ADAM10: variants seen among roughly 807,000 people sequenced by gnomAD.
The protein encoded by ADAM10 is ADAM metallopeptidase domain 10, also known as disintegrin and metalloproteinase domain-containing protein 10.
In ADAM10, 17 loss-of-function variants were observed where a neutral mutation model predicts 90.1. The ratio of observed to expected loss-of-function variants is 0.19; its 90% CI spans 0.13 to 0.28. The LOEUF is 0.28. Ranked by LOEUF, ADAM10 falls within the 10% of genes least tolerant of loss-of-function variation. The pLI, the probability that ADAM10 is intolerant of heterozygous loss-of-function variation, is 1.00. For synonymous variants in ADAM10, 310 were observed against 298.6 expected, an observed-to-expected ratio of 1.04 and a Z score of -0.40; for missense variants, 610 against 914.3, an observed-to-expected ratio of 0.67 and a Z score of 4.29.
At chr15:58,639,230 C>CCA (rs1375656245) in intron 8 of ADAM10, among the ~76,000 whole-genome samples, 1 of 152,170 alleles carries the variant, frequency 6.6e-6, no homozygotes, top group African/African-American at 2.4e-5. Context: ...CTGTTGGGCT[C>CCA]CACATCTATA....
At chr15:58,647,247 T>C (rs948606512) in intron 5 of ADAM10, among the ~76,000 whole-genome samples, 10 of 84,818 alleles carry the variant, frequency 1.2e-4, no homozygotes, top group African/African-American at 6.5e-4. Flanking sequence ...AGACACTAAG[T>C]ATTTTTTTTT....
rs1468638121 is a variant in ADAM10 at position 58,717,588 on chromosome 15, A to G, written c.195T>C (p.His65=). ...HEDQFLRLDF[H]AHGRHFNLRM... ...ATAAATTTACTTACCTTCCATGGGC[A>G]TGGAAATCTAGACGTAAAAATTGGT... The change falls in exon 2 of 16, where the codon CAT becomes CAC. Residue 65 remains histidine (H), a synonymous_variant. Transcript: ENST00000260408. 1 of 1,613,906 alleles carries G rather than the reference A, an allele frequency of 6.2e-7. No individual in the cohort carries two copies. The highest frequency in any genetic ancestry group is 1.1e-5 in the South Asian group (1 of 91,072).
At chr15:58,727,194 TTTTTTTTTTTTC>T (rs1212273077) in intron 1 of ADAM10, among the ~76,000 whole-genome samples, 2 of 125,750 alleles carry the variant, frequency 1.6e-5, no homozygotes, top group African/African-American at 3.3e-5. Flanking sequence ...TTTTTTTTTT[TTTTTTTTTTTTC>T]CCAAAAACAG....
rs1208868500 is a variant in ADAM10 at position 58,592,268 on chromosome 15, G to A, written c.*5279C>T. 7 of 152,184 alleles carry A rather than the reference G, an allele frequency of 4.6e-5. No homozygotes were observed. The highest frequency in any genetic ancestry group is 3.9e-4 in the Admixed American group (6 of 15,272). 9.4% of individuals were successfully genotyped at this position (152,184 alleles called of 1,614,324 possible). A position where few individuals can be genotyped will look rare whatever the true frequency, so the allele number is the denominator to read the frequency against. On this transcript the variant is annotated 3_prime_UTR_variant, in exon 16 of 16. Transcript: ENST00000260408. ...TCTAGATCCATAAATTGTTGGGGGG[G>A]TAAAATGGTGATATCCTAATTCTAT...
At chr15:58,724,361 G>A (rs2140827347) in intron 1 of ADAM10, among the ~76,000 whole-genome samples, 1 of 152,150 alleles carries the variant, frequency 6.6e-6, no homozygotes, top group South Asian at 2.1e-4. Context: ...AAAAAAATAT[G>A]CAAATTATTA....
At chr15:58,604,135 G>A (rs981330505) in intron 14 of ADAM10, among the ~76,000 whole-genome samples, 15 of 152,100 alleles carry the variant, frequency 9.9e-5, no homozygotes, top group African/African-American at 3.4e-4. Flanking sequence ...GCCGGGGCGG[G>A]TGGATCACCT....
intron 5 of ADAM10, among the ~76,000 whole-genome samples, chr15:58,661,562 T>G (rs370803407): frequency 8.5e-5 from 13 of 152,250 alleles, no homozygotes; most frequent in African/African-American, 3.1e-4. Flanking sequence ...TTTCTCTGCC[T>G]GCTTTTATGG....
At chr15:58,735,364 C>T (rs1446136987) in intron 1 of ADAM10, among the ~76,000 whole-genome samples, 1 of 152,096 alleles carries the variant, frequency 6.6e-6, no homozygotes, top group Non-Finnish European at 1.5e-5. Flanking sequence ...TCAAAGAATG[C>T]CAATCTTAAT....
chr15:58,667,045 C>G (rs190994190), intron 4 of ADAM10, among the ~76,000 whole-genome samples: 213 of 152,162 alleles, frequency 1.4e-3, no homozygotes, highest in African/African-American at 4.8e-3. Flanking sequence ...CTAGAAAAAG[C>G]CTTTGTTCAA....
At position 58,682,332 on chromosome 15, in the gene ADAM10, A is replaced by G. The variant is rs1288415668; in HGVS notation, c.207-18T>C. ...TGAAATGTCTGTAAAATGGGATGGG[A>G]AGGGGGAACAACTGAAATTAAAAAG... On this transcript the variant is annotated intron_variant, in intron 2 of 15. Transcript: ENST00000260408. 2 of 1,606,510 alleles carry G rather than the reference A, an allele frequency of 1.2e-6. No individual in the cohort carries two copies. Among genetic ancestry groups the G allele is most frequent in the Non-Finnish European group, 8.5e-7 (1 of 1,177,634 alleles).
At chr15:58,673,407 T>C (rs1897242381) in intron 4 of ADAM10, among the ~76,000 whole-genome samples, 1 of 149,506 alleles carries the variant, frequency 6.7e-6, no homozygotes, top group Admixed American at 6.6e-5. Flanking sequence ...AAAAAAAAGC[T>C]GCAGCTGTTT....
Position 58,737,827 on chromosome 15 carries a change from C to T in ADAM10, c.55+11653G>A, listed in dbSNP as rs545887493. On this transcript the variant is annotated intron_variant, in intron 1 of 15. Coordinates refer to ENST00000260408, the MANE Select transcript of ADAM10 (RefSeq NM_001110.4). The stretch of plus-strand genomic sequence containing the variant: ...AATTAAAGAATTGTGCAAAAAAATA[C>T]GGAATGAAAATTTCATTAACATCAG... Among the ~76,000 whole-genome samples the T allele has an allele frequency of 4.6e-5, 7 of 152,144 alleles. 1 individual carries two copies. The highest frequency in any genetic ancestry group is 1.3e-4 in the Admixed American group (2 of 15,278).
intron 4 of ADAM10, among the ~76,000 whole-genome samples, chr15:58,669,143 A>G (rs1200718655): frequency 1.3e-5 from 2 of 152,196 alleles, no homozygotes; most frequent in African/African-American, 4.8e-5. Flanking sequence ...ACAAAAATAA[A>G]TGACATAGAA....
intron 2 of ADAM10, among the ~76,000 whole-genome samples, chr15:58,709,463 G>T (rs896537204): frequency 6.6e-6 from 1 of 152,152 alleles, no homozygotes; most frequent in Non-Finnish European, 1.5e-5. Flanking sequence ...CACTGGCCAG[G>T]CACGGTGACT....
intron 11 of ADAM10, among the ~76,000 whole-genome samples, chr15:58,616,008 CA>C (rs1257134404): frequency 6.8e-6 from 1 of 146,208 alleles, no homozygotes; most frequent in African/African-American, 2.5e-5. Context: ...ACCCTGTCTC[CA>C]AAAAAAAACT....
chr15:58,621,262 CAAAAAAAAAAA>C lies in ADAM10; in HGVS notation c.1511+198_1511+208del, dbSNP rs749439192. Among the ~76,000 whole-genome samples, 19 of 25,280 alleles carry C rather than the reference CAAAAAAAAAAA, an allele frequency of 7.5e-4. No homozygotes were observed. The South Asian group carries it at 9.1e-3, about 12-fold the overall frequency. The allele number at this position is 25,280 out of a possible 152,430, so 16.6% of individuals were successfully genotyped here. A position where few individuals can be genotyped will look rare whatever the true frequency, so the allele number is the denominator to read the frequency against. On this transcript the variant is annotated intron_variant, in intron 11 of 15. Coordinates refer to ENST00000260408, the MANE Select transcript of ADAM10 (RefSeq NM_001110.4). The stretch of plus-strand genomic sequence containing the variant: ...TGGGCAACAGAGCGAGACCCTGTCT[CAAAAAAAAAAA>C]AAAAAAAAAAAAAAAAAGTAGTTCA...
In ADAM10 at chr15:58,611,906, C is replaced by T; in HGVS notation, c.1597G>A (p.Glu533Lys). The part of the protein sequence containing the change: ...KCRDDSDCAR[E>K]GICNGFTALC... ...GCTGTGAAGCCATTACATATTCCTTCCCTTGCACAGTCTGAATCATCCCGA... is the reference window on the plus strand; with the variant it reads ...GCTGTGAAGCCATTACATATTCCTTTCCTTGCACAGTCTGAATCATCCCGA... Residue 533 changes from glutamate to lysine, a missense_variant, in exon 12 of 16, where the codon GAA (glutamate) becomes AAA (lysine). Glu to Lys is a moderately conservative substitution (Grantham distance 56). Transcript: ENST00000260408. 6.2e-7 allele frequency: 1 copy of T among 1,614,204 alleles called. No individual in the cohort carries two copies. Among genetic ancestry groups the T allele is most frequent in the Non-Finnish European group, 8.5e-7 (1 of 1,180,036 alleles).
At chr15:58,731,820 C>A (rs1899255599) in intron 1 of ADAM10, among the ~76,000 whole-genome samples, 1 of 152,036 alleles carries the variant, frequency 6.6e-6, no homozygotes, top group Non-Finnish European at 1.5e-5. Flanking sequence ...AGAAAGCCCA[C>A]CCCATGACAT....
At chr15:58,662,834 T>C (rs1401580212) in intron 5 of ADAM10, among the ~76,000 whole-genome samples, 6 of 152,194 alleles carry the variant, frequency 3.9e-5, no homozygotes, top group Non-Finnish European at 5.9e-5. Flanking sequence ...CTCTCAGGTA[T>C]TGCGCCCGTA....
Sources: gnomAD v4.1 joint callset for allele counts (sites outside exome capture counted in the v4.1 genomes callset) on GRCh38, gnomAD v4.1.1 for gene constraint, MANE v1.5 for transcripts, NCBI Gene and HGNC (gene_info 2026-07-23, HGNC 2026-07-21) for gene names.